The following GABRB1 variants were observed in gnomAD, a reference collection of about 807,000 sequenced individuals.
GABRB1 encodes the protein gamma-aminobutyric acid type A receptor subunit beta1, also known as gamma-aminobutyric acid receptor subunit beta-1.
GABRB1 carries 17 observed loss-of-function variants against 51.6 expected under a neutral mutation model. That is an observed-to-expected ratio of 0.33 (90% CI 0.23 to 0.49). The LOEUF (loss-of-function observed/expected upper bound fraction) is 0.49, where lower values mean the gene tolerates loss of function less well. Ranked by LOEUF, GABRB1 falls within the 20% of genes least tolerant of loss-of-function variation. The probability of loss-of-function intolerance (pLI) is 0.99; values close to 1 mark genes in which losing one functional copy is unlikely to be tolerated. For missense variants in GABRB1, 410 were observed against 600.6 expected (o/e 0.68, Z 3.32); for synonymous variants, 247 against 218.9 (o/e 1.13, Z -1.14).
At chr4:47,248,973 A>G (rs1039010469) in intron 4 of GABRB1, among the ~76,000 whole-genome samples, 2 of 151,694 alleles carry the variant, frequency 1.3e-5, no homozygotes, top group African/African-American at 4.8e-5. Flanking sequence ...CGTTTCATTC[A>G]TCTTTTGTAT....
chr4:47,321,168 C>T (rs533287778), intron 5 of GABRB1, among the ~76,000 whole-genome samples: 1 of 152,260 alleles, frequency 6.6e-6, no homozygotes, highest in African/African-American at 2.4e-5. Context: ...CAGAACATTA[C>T]TATAGTACCA....
In GABRB1 at chr4:47,182,199, G is replaced by T. The variant is rs1044649142; in HGVS notation, c.461+20730G>T. 1.1e-4 allele frequency among the ~76,000 whole-genome samples: 16 copies of T among 152,038 alleles called. 1 individual carries two copies. Among genetic ancestry groups the T allele is most frequent in the Admixed American group, 7.2e-4 (11 of 15,234 alleles). On this transcript the variant is annotated intron_variant, in intron 4 of 8. Coordinates refer to ENST00000295454, the MANE Select transcript of GABRB1 (RefSeq NM_000812.4). ...CTTGACAGCATGAGAGCCATTTCCT[G>T]GGATCGCTCAGAAAAGCATGAGAGA...
intron 4 of GABRB1, among the ~76,000 whole-genome samples, chr4:47,166,628 A>C (rs891684146): frequency 5.9e-5 from 9 of 152,080 alleles, no homozygotes; most frequent in East Asian, 1.9e-4. Context: ...TAATAGTTAC[A>C]TTGTGAGAGA....
intron 8 of GABRB1, among the ~76,000 whole-genome samples, chr4:47,420,422 G>A (rs977911805): frequency 1.3e-5 from 2 of 152,090 alleles, no homozygotes; most frequent in African/African-American, 4.8e-5. Flanking sequence ...CCACAGAAGA[G>A]TTCTTTCAAC....
At chr4:47,314,704 C>G (rs1459887517) in intron 4 of GABRB1, among the ~76,000 whole-genome samples, 2 of 151,932 alleles carry the variant, frequency 1.3e-5, no homozygotes, top group African/African-American at 2.4e-5. Flanking sequence ...AAAGGACTCT[C>G]TATACAATAA....
At chr4:47,407,063 A>T in intron 8 of GABRB1, 137 bp downstream of exon 8, 1 of 870,292 alleles carries the variant, frequency 1.1e-6, no homozygotes, top group Non-Finnish European at 1.7e-6. Context: ...TTCATTTTAC[A>T]TATTCAGGGA....
At chr4:47,053,821 C>T (rs746496613) in intron 3 of GABRB1, among the ~76,000 whole-genome samples, 8 of 152,152 alleles carry the variant, frequency 5.3e-5, no homozygotes, top group Non-Finnish European at 1.0e-4. Flanking sequence ...ACAGTATCCG[C>T]CTATTACCCA....
At chr4:47,367,529 G>A (rs890112692) in intron 5 of GABRB1, among the ~76,000 whole-genome samples, 2 of 152,108 alleles carry the variant, frequency 1.3e-5, no homozygotes, top group Non-Finnish European at 2.9e-5. Flanking sequence ...GAAAAATGCT[G>A]GTAATTGATC....
At chr4:47,334,716 C>T (rs753790330) in intron 5 of GABRB1, among the ~76,000 whole-genome samples, 6 of 152,180 alleles carry the variant, frequency 3.9e-5, no homozygotes, top group Non-Finnish European at 7.3e-5. Flanking sequence ...TAGAGGTCTG[C>T]AATTTAATGA....
chr4:47,231,902 C>T (rs1721156313), intron 4 of GABRB1, among the ~76,000 whole-genome samples: 1 of 152,152 alleles, frequency 6.6e-6, no homozygotes, highest in East Asian at 1.9e-4. Flanking sequence ...TGATGCTGAT[C>T]ATTATCATTA....
intron 8 of GABRB1, among the ~76,000 whole-genome samples, chr4:47,409,151 G>A (rs544374211): frequency 6.6e-6 from 1 of 152,166 alleles, no homozygotes; most frequent in Non-Finnish European, 1.5e-5. Context: ...CCCCATGGTA[G>A]CATCTAGAGT....
chr4:47,159,144 G>A (rs1717828956), intron 3 of GABRB1, among the ~76,000 whole-genome samples: 1 of 151,752 alleles, frequency 6.6e-6, no homozygotes, highest in South Asian at 2.1e-4. Flanking sequence ...ATAGCCAGGT[G>A]TGATGGTGCA....
chr4:47,066,738 T>C (rs1479787988), intron 3 of GABRB1, among the ~76,000 whole-genome samples: 3 of 152,188 alleles, frequency 2.0e-5, no homozygotes, highest in African/African-American at 7.2e-5. Flanking sequence ...AGTCAATTCC[T>C]CCACTGAAGT....
chr4:47,296,909 C>T (rs1356642959), intron 4 of GABRB1, among the ~76,000 whole-genome samples: 1 of 152,198 alleles, frequency 6.6e-6, no homozygotes, highest in South Asian at 2.1e-4. Context: ...AACAAACTGT[C>T]TCTCAGAGCA....
intron 1 of GABRB1, among the ~76,000 whole-genome samples, chr4:47,003,460 T>C (rs1445783241): frequency 6.6e-6 from 1 of 152,248 alleles, no homozygotes; most frequent in Admixed American, 6.5e-5. Context: ...AGGAGGAAGT[T>C]CATTGTTATT....
chr4:47,365,312 TTTTG>T (rs1329248063), intron 5 of GABRB1, among the ~76,000 whole-genome samples: 6 of 152,236 alleles, frequency 3.9e-5, no homozygotes, highest in Non-Finnish European at 8.8e-5. Flanking sequence ...TGTTTCACTT[TTTTG>T]TTTGTTTGTC....
intron 5 of GABRB1, among the ~76,000 whole-genome samples, chr4:47,334,601 A>G (rs185841514): frequency 1.3e-5 from 2 of 152,342 alleles, no homozygotes; most frequent in Admixed American, 1.3e-4. Flanking sequence ...GACTTATTTT[A>G]ACAAAGAAAA....
At chr4:47,036,365 C>T (rs1725567292) in intron 3 of GABRB1, among the ~76,000 whole-genome samples, 1 of 152,120 alleles carries the variant, frequency 6.6e-6, no homozygotes, top group Non-Finnish European at 1.5e-5. Flanking sequence ...GATTCCCAGT[C>T]CCCACATGAA....
intron 3 of GABRB1, among the ~76,000 whole-genome samples, chr4:47,076,647 A>AAAAACAAAACAAAAC (rs200916587): frequency 2.8e-4 from 42 of 150,894 alleles, no homozygotes; most frequent in African/African-American, 9.9e-4. Flanking sequence ...GATTACATGG[A>AAAAACAAAACAAAAC]AAAACAAAAC....
Sources: gnomAD v4.1 joint callset for allele counts (sites outside exome capture counted in the v4.1 genomes callset) on GRCh38, gnomAD v4.1.1 for gene constraint, MANE v1.5 for transcripts, NCBI Gene and HGNC (gene_info 2026-07-23, HGNC 2026-07-21) for gene names.